The following CDK17 variants were observed in gnomAD, a reference collection of about 807,000 sequenced individuals.
The protein encoded by CDK17 is cyclin-dependent kinase 17.
CDK17 carries 24 observed loss-of-function variants against 77.6 expected under a neutral mutation model. The observed-to-expected ratio is 0.31, with a 90% confidence interval of 0.22 to 0.44. The LOEUF is 0.44. Ranked by LOEUF, CDK17 falls within the 20% of genes least tolerant of loss-of-function variation. The pLI is 1.00. For synonymous variants in CDK17, 203 were observed against 210.4 expected (o/e 0.96, Z 0.30); for missense variants, 429 against 622.5 (o/e 0.69, Z 3.31).
chr12:96,374,245 A>G (rs1180742963), intron 1 of CDK17, among the ~76,000 whole-genome samples: 1 of 152,244 alleles, frequency 6.6e-6, no homozygotes, highest in Non-Finnish European at 1.5e-5. Flanking sequence ...TAATCTGCAA[A>G]CACATTTTCC....
At chr12:96,338,706 A>C (rs1391423475) in intron 1 of CDK17, among the ~76,000 whole-genome samples, 1 of 151,876 alleles carries the variant, frequency 6.6e-6, no homozygotes, top group Non-Finnish European at 1.5e-5. Context: ...CATGTTATTA[A>C]TATAATAGTT....
intron 1 of CDK17, among the ~76,000 whole-genome samples, chr12:96,368,358 G>A (rs896765477): frequency 6.6e-6 from 1 of 152,190 alleles, no homozygotes; most frequent in African/African-American, 2.4e-5. Flanking sequence ...TAGGAAATGA[G>A]AGGTTATCCT....
At chr12:96,328,245 T>C (rs931544524) in intron 2 of CDK17, among the ~76,000 whole-genome samples, 4 of 152,150 alleles carry the variant, frequency 2.6e-5, no homozygotes, top group Non-Finnish European at 4.4e-5. Context: ...GATGGGACCA[T>C]CTAGTTGTAG....
intron 5 of CDK17, among the ~76,000 whole-genome samples, chr12:96,302,212 C>T (rs898255061): frequency 6.6e-6 from 1 of 152,022 alleles, no homozygotes; most frequent in African/African-American, 2.4e-5. Flanking sequence ...CAATAGATAA[C>T]ATTTTTAAAA....
At chr12:96,348,839 A>T (rs565666051) in intron 1 of CDK17, among the ~76,000 whole-genome samples, 1 of 152,272 alleles carries the variant, frequency 6.6e-6, no homozygotes, top group South Asian at 2.1e-4. Context: ...CAACCAAAAA[A>T]GCCCAGGACC....
intron 1 of CDK17, among the ~76,000 whole-genome samples, chr12:96,382,356 TA>T (rs34300589): frequency 0.054 from 7,225 of 133,950 alleles, 207 homozygotes; most frequent in Non-Finnish European, 0.067. Flanking sequence ...AATCAGTAAT[TA>T]AAAAAAAAAA....
rs574323976 is a variant in CDK17, at chr12:96,369,433, A to G, written c.-30+30553T>C. On this transcript the variant is annotated intron_variant, in intron 1 of 16. Transcript: ENST00000261211. Reference sequence around the variant, plus strand: ...GAGCAATCTATCAGCCCATCCAGTTATTAATAATGTCATAGATACATCTCA... The same window carrying G: ...GAGCAATCTATCAGCCCATCCAGTTGTTAATAATGTCATAGATACATCTCA... Among the ~76,000 whole-genome samples the G allele has an allele frequency of 5.3e-5, 8 of 152,328 alleles. No individual in the cohort carries two copies. In the East Asian group the frequency reaches 1.5e-3, roughly 29 times the overall value.
chr12:96,387,265 T>G, intron 1 of CDK17: 1 of 203,154 alleles, frequency 4.9e-6, no homozygotes, highest in South Asian at 9.9e-5. Context: ...ACCAACCCAC[T>G]AGAAGTATGA....
chr12:96,320,300 A>G (rs1952798398), intron 3 of CDK17, among the ~76,000 whole-genome samples: 1 of 142,382 alleles, frequency 7.0e-6, no homozygotes, highest in Non-Finnish European at 1.5e-5. Flanking sequence ...GCTCAAGGAA[A>G]TAAAAGAGGA....
intron 1 of CDK17, among the ~76,000 whole-genome samples, chr12:96,339,512 GAT>G (rs1213224730): frequency 1.3e-5 from 2 of 151,604 alleles, no homozygotes; most frequent in Non-Finnish European, 2.9e-5. Context: ...AAATGGTAAA[GAT>G]AGTGAATTTT....
rs1592700467 is a variant in CDK17, at chr12:96,280,192, T to C, written c.*50A>G. The stretch of plus-strand genomic sequence containing the variant: ...AATAATTGCCTTCAGTTCTGAGTCC[T>C]TGATTGGTAAGAAAGGCTGGGGGCT... On this transcript the variant is annotated 3_prime_UTR_variant, in exon 17 of 17. Coordinates refer to ENST00000261211, the MANE Select transcript of CDK17 (RefSeq NM_002595.5). 1 of 1,540,398 alleles carries C rather than the reference T, an allele frequency of 6.5e-7. No individual in the cohort carries two copies. Among genetic ancestry groups the C allele is most frequent in the Non-Finnish European group, 8.8e-7 (1 of 1,140,148 alleles).
At chr12:96,293,297 A>G (rs376891137) in intron 10 of CDK17, among the ~76,000 whole-genome samples, 5 of 152,246 alleles carry the variant, frequency 3.3e-5, no homozygotes, top group East Asian at 1.9e-4. Context: ...CCTCAGCCTC[A>G]TAAGTGCTGG....
intron 1 of CDK17, among the ~76,000 whole-genome samples, chr12:96,379,327 G>A (rs1866667): frequency 0.63 from 95,581 of 152,000 alleles, 30,767 homozygotes; most frequent in East Asian, 0.83. Context: ...AAGAAATGCA[G>A]AACAATTTAT....
intron 1 of CDK17, among the ~76,000 whole-genome samples, chr12:96,374,113 A>G (rs937066604): frequency 2.0e-5 from 3 of 152,196 alleles, no homozygotes; most frequent in Non-Finnish European, 4.4e-5. Flanking sequence ...TGCAAGCTAC[A>G]TATCACTAAC....
chr12:96,286,555 TTA>T (rs1189958304), intron 12 of CDK17, 107 bp downstream of exon 12: 1 of 701,778 alleles, frequency 1.4e-6, no homozygotes, highest in Non-Finnish European at 2.4e-6. Flanking sequence ...TAACAGCTGT[TTA>T]TGTTAGTCTC....
At chr12:96,307,227 G>A (rs1351249310) in intron 5 of CDK17, among the ~76,000 whole-genome samples, 2 of 152,070 alleles carry the variant, frequency 1.3e-5, no homozygotes, top group African/African-American at 2.4e-5. Flanking sequence ...CCCGGGAGGC[G>A]AAGGTTGCGG....
chr12:96,348,523 C>CA (rs35363324), intron 1 of CDK17, among the ~76,000 whole-genome samples: 3,409 of 66,140 alleles, frequency 0.052, 246 homozygotes, highest in African/African-American at 0.11. Flanking sequence ...GACTCTGTCT[C>CA]AAAAAAAAAA....
intron 1 of CDK17, among the ~76,000 whole-genome samples, chr12:96,397,641 A>G (rs2137256469): frequency 6.6e-6 from 1 of 152,330 alleles, no homozygotes; most frequent in African/African-American, 2.4e-5. Flanking sequence ...CAGGAAAAAA[A>G]TGTTTAATCA....
At chr12:96,299,691 C>T (rs922003148) in intron 6 of CDK17, among the ~76,000 whole-genome samples, 16 of 152,156 alleles carry the variant, frequency 1.1e-4, no homozygotes, top group African/African-American at 3.9e-4. Context: ...GCCCGGCAAT[C>T]ATAAAAATTT....
Sources: allele counts gnomAD v4.1 joint callset (sites outside exome capture counted in the v4.1 genomes callset), GRCh38; gene constraint gnomAD v4.1.1; transcripts MANE v1.5; gene names NCBI Gene and HGNC (gene_info 2026-07-23, HGNC 2026-07-21).